Variants in NAALAD2 observed in about 807,000 individuals in gnomAD.
NAALAD2 encodes the protein N-acetylated-alpha-linked acidic dipeptidase 2.
In NAALAD2, 89 loss-of-function variants were observed where a neutral mutation model predicts 95.6. The observed-to-expected ratio is 0.93, with a 90% confidence interval of 0.78 to 1.11. NAALAD2 has a LOEUF of 1.11. Ranked by LOEUF, NAALAD2 falls within the 50% of genes least tolerant of loss-of-function variation. The pLI is 0.00. For synonymous variants in NAALAD2, 264 were observed against 294.4 expected (o/e 0.90, Z 1.06); for missense variants, 894 against 872.4 (o/e 1.02, Z -0.31).
At chr11:90,182,005 CAA>C (rs1162201290) in intron 17 of NAALAD2, among the ~76,000 whole-genome samples, 7 of 151,890 alleles carry the variant, frequency 4.6e-5, no homozygotes, top group Non-Finnish European at 7.4e-5. Context: ...AAACTCATCC[CAA>C]AGAGACAAGG....
chr11:90,162,452 T>C (rs1436508832), intron 8 of NAALAD2: 1 of 152,116 alleles, frequency 6.6e-6, no homozygotes, highest in Non-Finnish European at 1.5e-5. Flanking sequence ...TAAACTTACA[T>C]ATCATTTCCA....
At chr11:90,144,057 T>C (rs1951687527) in intron 2 of NAALAD2, among the ~76,000 whole-genome samples, 1 of 152,114 alleles carries the variant, frequency 6.6e-6, no homozygotes, top group Non-Finnish European at 1.5e-5. Flanking sequence ...TGTTGTGAGG[T>C]GCTTTTTTGA....
intron 18 of NAALAD2, among the ~76,000 whole-genome samples, chr11:90,184,474 T>A (rs1417911293): frequency 6.6e-6 from 1 of 152,124 alleles, no homozygotes; most frequent in Non-Finnish European, 1.5e-5. Context: ...TCTTCATTGA[T>A]GCAAATGAAA....
intron 4 of NAALAD2, among the ~76,000 whole-genome samples, chr11:90,149,504 G>C (rs1314809864): frequency 6.6e-6 from 1 of 151,974 alleles, no homozygotes; most frequent in Non-Finnish European, 1.5e-5. Flanking sequence ...GCACAATCTC[G>C]GCTCCCTGCA....
intron 18 of NAALAD2, among the ~76,000 whole-genome samples, chr11:90,184,500 A>G (rs1203900316): frequency 1.3e-5 from 2 of 152,098 alleles, no homozygotes; most frequent in African/African-American, 4.8e-5. Flanking sequence ...ATGATCAATT[A>G]TTTATATGGA....
intron 13 of NAALAD2, among the ~76,000 whole-genome samples, chr11:90,172,509 T>A (rs1162136010): frequency 1.3e-5 from 2 of 152,194 alleles, no homozygotes; most frequent in African/African-American, 4.8e-5. Context: ...CAAAATCATG[T>A]GCCAATACCC....
At chr11:90,171,531 T>C (rs1207343418) in intron 13 of NAALAD2, among the ~76,000 whole-genome samples, 2 of 152,292 alleles carry the variant, frequency 1.3e-5, no homozygotes, top group African/African-American at 4.8e-5. Flanking sequence ...CCTAGAGAGA[T>C]GATCCCTGGC....
chr11:90,148,944 T>A, intron 3 of NAALAD2, 62 bp from the exon 4 acceptor site: 2 of 1,066,880 alleles, frequency 1.9e-6, no homozygotes, highest in Non-Finnish European at 2.8e-6. Context: ...GGAGGCAAAA[T>A]GAATTATATC....
At chr11:90,139,729 T>C (rs1951555408) in intron 2 of NAALAD2, among the ~76,000 whole-genome samples, 1 of 152,218 alleles carries the variant, frequency 6.6e-6, no homozygotes, top group South Asian at 2.1e-4. Flanking sequence ...AGATATGCCT[T>C]TCTTATAACA....
intron 13 of NAALAD2, among the ~76,000 whole-genome samples, chr11:90,173,386 C>T (rs1328067477): frequency 6.6e-6 from 1 of 152,162 alleles, no homozygotes; most frequent in Non-Finnish European, 1.5e-5. Context: ...ATTATGTCAC[C>T]TCTATTGTTC....
intron 11 of NAALAD2, among the ~76,000 whole-genome samples, chr11:90,166,438 A>C (rs1040833663): frequency 6.6e-6 from 1 of 152,178 alleles, no homozygotes; most frequent in Admixed American, 6.5e-5. Flanking sequence ...TGGAAATTTT[A>C]TATTTCTCAC....
intron 2 of NAALAD2, among the ~76,000 whole-genome samples, chr11:90,136,991 T>C (rs1951467071): frequency 6.6e-6 from 1 of 152,078 alleles, no homozygotes; most frequent in Admixed American, 6.6e-5. Flanking sequence ...TCAACAAATA[T>C]TATGGTGTAT....
rs551573372 is a variant in NAALAD2, at chr11:90,166,029, T to C, written c.1278+2412T>C. Among the ~76,000 whole-genome samples, 5 of 152,342 alleles carry C rather than the reference T, an allele frequency of 3.3e-5. No homozygotes were observed. In the East Asian group the frequency reaches 7.7e-4, roughly 24 times the overall value. On this transcript the variant is annotated intron_variant, in intron 11 of 18. Coordinates refer to ENST00000534061, the MANE Select transcript of NAALAD2 (RefSeq NM_005467.4). The stretch of plus-strand genomic sequence containing the variant: ...TTCTTTAAATACACATAAGGAATCT[T>C]CTTTATTTTCACTATAAATCTGTTA...
At chr11:90,135,742 G>T in intron 2 of NAALAD2, 72 bp downstream of exon 2, 2 of 1,209,384 alleles carry the variant, frequency 1.7e-6, no homozygotes, top group South Asian at 2.8e-5. Flanking sequence ...TATTATACCT[G>T]GTTATATGCA....
chr11:90,147,626 A>G (rs928452980), intron 3 of NAALAD2, 110 bp downstream of exon 3: 1 of 980,812 alleles, frequency 1.0e-6, no homozygotes, highest in African/African-American at 1.6e-5. Flanking sequence ...ATTATTCAGT[A>G]TCCACTATGT....
At chr11:90,182,777 T>C in intron 17 of NAALAD2, 139 bp from the exon 18 acceptor site, 2 of 582,734 alleles carry the variant, frequency 3.4e-6, no homozygotes, top group South Asian at 4.5e-5. Flanking sequence ...ATGTAAAGCA[T>C]TACTGTGTTA....
chr11:90,177,772 G>A, intron 15 of NAALAD2, 81 bp from the exon 16 acceptor site: 1 of 1,352,960 alleles, frequency 7.4e-7, no homozygotes. Flanking sequence ...TTTTTCTATA[G>A]TTATTTTTAT....
At chr11:90,152,598 T>C (rs1425215935) in intron 6 of NAALAD2, 114 bp downstream of exon 6, 23 of 698,686 alleles carry the variant, frequency 3.3e-5, no homozygotes, top group Non-Finnish European at 4.8e-5. Flanking sequence ...AGTACACTTA[T>C]ATCATTTTGG....
At chr11:90,166,701 G>T (rs1348857622) in intron 11 of NAALAD2, among the ~76,000 whole-genome samples, 1 of 152,044 alleles carries the variant, frequency 6.6e-6, no homozygotes, top group Non-Finnish European at 1.5e-5. Flanking sequence ...CAGGCGCAGT[G>T]GTGGGTGCCT....
Sources: allele counts gnomAD v4.1 joint callset (sites outside exome capture counted in the v4.1 genomes callset), GRCh38; gene constraint gnomAD v4.1.1; transcripts MANE v1.5; gene names NCBI Gene and HGNC (gene_info 2026-07-23, HGNC 2026-07-21).